Variants in EFR3B observed in about 807,000 individuals in gnomAD.
EFR3B encodes protein EFR3 homolog B.
Under a neutral mutation model 104.7 loss-of-function variants are expected in EFR3B, and 64 were observed. The ratio of observed to expected loss-of-function variants is 0.61; its 90% CI spans 0.50 to 0.75. The LOEUF is 0.75. Ranked by LOEUF, EFR3B falls within the 30% of genes least tolerant of loss-of-function variation. The pLI is 0.00. For synonymous variants in EFR3B, 385 were observed against 417.9 expected, an observed-to-expected ratio of 0.92 and a Z score of 0.96; for missense variants, 750 against 1,078.5, an observed-to-expected ratio of 0.70 and a Z score of 4.27.
At chr2:25,055,663 A>G (rs1226791632) in intron 1 of EFR3B, among the ~76,000 whole-genome samples, 2 of 152,232 alleles carry the variant, frequency 1.3e-5, no homozygotes, top group African/African-American at 4.8e-5. Flanking sequence ...TGCATGAACA[A>G]TAATCCCTAA....
intron 1 of EFR3B, among the ~76,000 whole-genome samples, chr2:25,060,638 C>T (rs1169761142): frequency 1.3e-5 from 2 of 151,830 alleles, no homozygotes; most frequent in South Asian, 2.1e-4. Context: ...TAGCCACTGT[C>T]GGCCGGGCGC....
At chr2:25,119,498 C>T (rs982173885) in intron 4 of EFR3B, among the ~76,000 whole-genome samples, 5 of 152,204 alleles carry the variant, frequency 3.3e-5, no homozygotes, top group Non-Finnish European at 7.3e-5. Context: ...GCCAGGCAGC[C>T]GAAGGCCGAC....
chr2:25,089,282 C>T (rs1006200980), intron 1 of EFR3B, among the ~76,000 whole-genome samples: 4 of 152,142 alleles, frequency 2.6e-5, no homozygotes, highest in South Asian at 4.1e-4. Flanking sequence ...AAGTTTCTAC[C>T]GTGAGTACCC....
intron 1 of EFR3B, among the ~76,000 whole-genome samples, chr2:25,074,529 C>T (rs1013671576): frequency 6.6e-6 from 1 of 151,314 alleles, no homozygotes; most frequent in Non-Finnish European, 1.5e-5. Context: ...TGCGCCACTG[C>T]ACTCCAGTCT....
At chr2:25,065,265 C>T (rs540802934) in intron 1 of EFR3B, among the ~76,000 whole-genome samples, 4 of 152,134 alleles carry the variant, frequency 2.6e-5, no homozygotes, top group East Asian at 1.9e-4. Context: ...ACTGCAGCCT[C>T]GAACTCCCTG....
chr2:25,144,674 C>CA (rs1489207466), intron 18 of EFR3B, among the ~76,000 whole-genome samples: 2 of 152,208 alleles, frequency 1.3e-5, no homozygotes. Flanking sequence ...ATCATGCTTA[C>CA]ACATAAGGTG....
chr2:25,133,549 C>A, intron 12 of EFR3B, 115 bp downstream of exon 12: 1 of 1,131,712 alleles, frequency 8.8e-7, no homozygotes, highest in Non-Finnish European at 1.3e-6. Flanking sequence ...CACAAATACA[C>A]CCAGTCGGTT....
chr2:25,144,994 A>G lies in EFR3B; in HGVS notation c.2085A>G (p.Gly695=), dbSNP rs772410179. 5.8e-6 allele frequency: 9 copies of G among 1,551,632 alleles called. No homozygotes were observed. The South Asian group carries it at 9.5e-5, about 16-fold the overall frequency. Residue 695 remains glycine, a synonymous_variant, in exon 19 of 23, where the codon GGA becomes GGG. Transcript: ENST00000403714. ...EDRLSKRRSI[G]ETISLQVEVE... Reference sequence around the variant, plus strand: ...GTTTATCCAAGAGGAGGAGCATTGGAGAGACCATCTCCCTGCAGGTGGAGG... The same window carrying G: ...GTTTATCCAAGAGGAGGAGCATTGGGGAGACCATCTCCCTGCAGGTGGAGG...
In EFR3B at chr2:25,137,819, T is replaced by C. The variant is rs1670560208; in HGVS notation, c.1722+317T>C. 6.6e-6 allele frequency among the ~76,000 whole-genome samples: 1 copy of C among 152,186 alleles called. No homozygotes were observed. The highest frequency in any genetic ancestry group is 2.1e-4 in the South Asian group (1 of 4,832). On this transcript the variant is annotated intron_variant, in intron 15 of 22. Transcript: ENST00000403714. This position sits in a 1 kb window ranked among gnomAD's most constrained non-coding sequence, Gnocchi z 4.7. ...AGTCTGAGTGAGACTCCAGGGATTC[T>C]TAAAAGGATGCTCATAAGCCCTGAG...
chr2:25,132,765 G>T (rs533741515), intron 10 of EFR3B, 138 bp from the exon 11 acceptor site: 2 of 698,364 alleles, frequency 2.9e-6, no homozygotes, highest in Non-Finnish European at 2.4e-6. Context: ...TCACACCCGG[G>T]CTATCCTGAA....
chr2:25,118,136 T>C (rs1264248083), intron 4 of EFR3B, among the ~76,000 whole-genome samples: 1 of 152,110 alleles, frequency 6.6e-6, no homozygotes, highest in East Asian at 1.9e-4. Context: ...CGTACCGCCA[T>C]GCCTGGCAAA....
rs1430505036 is a variant in EFR3B, at chr2:25,155,739, T to C, written c.*1399T>C. 1 of 152,068 alleles carries C rather than the reference T, an allele frequency of 6.6e-6. No individual in the cohort carries two copies. The highest frequency in any genetic ancestry group is 1.5e-5 in the Non-Finnish European group (1 of 68,022). 9.4% of individuals were successfully genotyped at this position (152,068 alleles called of 1,614,324 possible). On this transcript the variant is annotated 3_prime_UTR_variant, in exon 23 of 23. Coordinates refer to ENST00000403714, the MANE Select transcript of EFR3B (RefSeq NM_014971.2). ...CTCCGTTAGTCACATTTCCCATAACTCCTCCGAGCCAACATAACCTACAGT... is the reference window on the plus strand; with the variant it reads ...CTCCGTTAGTCACATTTCCCATAACCCCTCCGAGCCAACATAACCTACAGT...
chr2:25,062,565 C>T (rs112789050), intron 1 of EFR3B, among the ~76,000 whole-genome samples: 8 of 152,190 alleles, frequency 5.3e-5, no homozygotes, highest in African/African-American at 1.9e-4. Flanking sequence ...TGTGCCAGCC[C>T]GCACCAGGGC....
At chr2:25,056,114 T>C (rs1162380741) in intron 1 of EFR3B, among the ~76,000 whole-genome samples, 1 of 152,228 alleles carries the variant, frequency 6.6e-6, no homozygotes, top group East Asian at 1.9e-4. Context: ...TTCTCTAAGG[T>C]CAGAGAGAGT....
At chr2:25,103,864 T>G in intron 4 of EFR3B, 77 bp downstream of exon 4, 1 of 1,520,196 alleles carries the variant, frequency 6.6e-7, no homozygotes, top group Non-Finnish European at 8.9e-7. Flanking sequence ...GACCTCGGGG[T>G]CGGCACTGTC....
chr2:25,087,103 CGAG>C (rs903220028), intron 1 of EFR3B, among the ~76,000 whole-genome samples: 34 of 151,974 alleles, frequency 2.2e-4, no homozygotes, highest in African/African-American at 7.0e-4. Context: ...ATGGCGGCGG[CGAG>C]GAGAAGTGCA....
chr2:25,068,595 C>T (rs1487808392), intron 1 of EFR3B, among the ~76,000 whole-genome samples: 5 of 151,508 alleles, frequency 3.3e-5, no homozygotes, highest in Non-Finnish European at 5.9e-5. Context: ...AAAGATTCAC[C>T]GTATGATCTG....
chr2:25,085,586 T>TAG (rs1236084901), intron 1 of EFR3B, among the ~76,000 whole-genome samples: 2 of 152,100 alleles, frequency 1.3e-5, no homozygotes, highest in Non-Finnish European at 2.9e-5. Context: ...TGCCTCAGTC[T>TAG]CCCAAGTAGC....
chr2:25,069,064 C>T (rs1668419030), intron 1 of EFR3B, among the ~76,000 whole-genome samples: 1 of 151,542 alleles, frequency 6.6e-6, no homozygotes, highest in African/African-American at 2.4e-5. Context: ...CTCACCACCA[C>T]ACCCAGCTAA....
Sources: allele counts gnomAD v4.1 joint callset (sites outside exome capture counted in the v4.1 genomes callset), GRCh38; gene constraint gnomAD v4.1.1; non-coding constraint Gnocchi (gnomAD v3.1); transcripts MANE v1.5; gene names NCBI Gene and HGNC (gene_info 2026-07-23, HGNC 2026-07-21).